The following POLR1C variants were observed in gnomAD, a reference collection of about 807,000 sequenced individuals.
POLR1C encodes RNA polymerase I and III subunit C.
In POLR1C, 42 loss-of-function variants were observed where a neutral mutation model predicts 38.3. The ratio of observed to expected loss-of-function variants is 1.10; its 90% CI spans 0.86 to 1.42. The LOEUF (loss-of-function observed/expected upper bound fraction) is 1.42, where lower values mean the gene tolerates loss of function less well. Ranked by LOEUF, POLR1C falls within the 40% of genes most tolerant of loss-of-function variation. POLR1C has a pLI of 0.00. For missense variants in POLR1C, 507 were observed against 450.5 expected, an observed-to-expected ratio of 1.13 and a Z score of -1.14; for synonymous variants, 163 against 163.9, an observed-to-expected ratio of 0.99 and a Z score of 0.04.
chr6:43,532,576 C>A (rs1277076035), downstream of POLR1C, among the ~76,000 whole-genome samples: 1 of 152,186 alleles, frequency 6.6e-6, no homozygotes, highest in Non-Finnish European at 1.5e-5. Context: ...ATACCAAGGC[C>A]TTTTTCTCTT....
In POLR1C at chr6:43,519,621, C is replaced by T. The variant is rs1175362677; in HGVS notation, c.250-85C>T. The T allele has an allele frequency of 2.6e-6, 4 of 1,562,984 alleles. No homozygotes were observed. In the Admixed American group the frequency reaches 6.7e-5, roughly 26 times the overall value. ...AAACATTCTAGGAAGAGAGATAGCT[C>T]CCTACCTCTGGAGGTTGGGGTTACG... On this transcript the variant is annotated intron_variant, in intron 3 of 8. Coordinates refer to ENST00000642195, the MANE Select transcript of POLR1C (RefSeq NM_203290.4).
chr6:43,520,834 CAG>C (rs1365889250), intron 7 of POLR1C, 60 bp downstream of exon 7: 40 of 1,602,566 alleles, frequency 2.5e-5, no homozygotes, highest in Non-Finnish European at 2.6e-5. Flanking sequence ...TTCAAGGTGA[CAG>C]AAATAAAAAC....
chr6:43,521,469 C>A lies in POLR1C; in HGVS notation c.*169C>A. The A allele has an allele frequency of 1.4e-6, 2 of 1,448,258 alleles. No homozygotes were observed. Among genetic ancestry groups the A allele is most frequent in the Non-Finnish European group, 1.8e-6 (2 of 1,101,288 alleles). 89.7% of individuals were successfully genotyped at this position (1,448,258 alleles called of 1,614,324 possible). A position where few individuals can be genotyped will look rare whatever the true frequency, so the allele number is the denominator to read the frequency against. On this transcript the variant is annotated 3_prime_UTR_variant, in exon 9 of 9. Transcript: ENST00000642195. ...TGCCATAAAATGAGACTTTTTACGC[C>A]TTTATAAGGCCTTAGATGTAAATAA...
At chr6:43,545,314 G>C (rs1409599133) in intron 9 of POLR1C, among the ~76,000 whole-genome samples, 4 of 152,204 alleles carry the variant, frequency 2.6e-5, no homozygotes, top group Non-Finnish European at 5.9e-5. Context: ...GAGTTTCACT[G>C]CGACATGAAT....
In POLR1C at chr6:43,548,184, C is replaced by A. The variant is rs971365808; in HGVS notation, c.*5-2784C>A. The A allele has an allele frequency of 4.8e-5, 68 of 1,416,130 alleles. No individual in the cohort carries two copies. In the Admixed American group the frequency reaches 1.5e-3, roughly 32 times the overall value. 87.7% of individuals were successfully genotyped at this position (1,416,130 alleles called of 1,614,324 possible). ...CACACTTCAATATCCTTAACCCCTA[C>A]CCCACCCTGGGCCTAGCTCTTAAAC... is the stretch of plus-strand genomic sequence containing the variant. On this transcript the variant is annotated intron_variant, in intron 9 of 10. Transcript: ENST00000607635.
chr6:43,546,111 G>C (rs1794952910), intron 9 of POLR1C, among the ~76,000 whole-genome samples: 1 of 152,098 alleles, frequency 6.6e-6, no homozygotes, highest in Non-Finnish European at 1.5e-5. Flanking sequence ...CCTTTGTTTA[G>C]CATGTTCAGC....
chr6:43,549,367 G>A, intron 9 of POLR1C: 1 of 966,886 alleles, frequency 1.0e-6, no homozygotes, highest in Non-Finnish European at 1.5e-6. Context: ...CCCGGCCAAG[G>A]ATGCTTATAT....
intron 10 of POLR1C, chr6:43,553,534 C>T (rs1375576775): frequency 6.5e-7 from 1 of 1,529,584 alleles, no homozygotes; most frequent in Non-Finnish European, 8.8e-7. Flanking sequence ...CATACACACA[C>T]ACACACACAC....
At chr6:43,525,707 C>CT, downstream of POLR1C, 1 of 978,784 alleles carries the variant, frequency 1.0e-6, no homozygotes, top group Admixed American at 2.9e-5. Context: ...TTTCTGGGGC[C>CT]TTTGGAACCA....
At chr6:43,540,242 A>G (rs951357605) in intron 9 of POLR1C, among the ~76,000 whole-genome samples, 2 of 152,148 alleles carry the variant, frequency 1.3e-5, no homozygotes, top group African/African-American at 4.8e-5. Flanking sequence ...ATACAAAATT[A>G]GCCAGGCCGG....
In POLR1C at chr6:43,517,291, G is replaced by A. The variant is rs1252814231; in HGVS notation, c.70-15G>A. The A allele has an allele frequency of 4.3e-6, 7 of 1,613,564 alleles. No individual in the cohort carries two copies. The highest frequency in any genetic ancestry group is 1.7e-5 in the Admixed American group (1 of 60,026). On this transcript the variant is annotated splice_polypyrimidine_tract_variant and intron_variant, in intron 1 of 8. Transcript: ENST00000642195. ...TCACTGTCCCTTCGTGGACAAATTC[G>A]TCCCTTTGCTCTAGGTCCATACTAC...
intron 4 of POLR1C, 56 bp from the exon 5 acceptor site, chr6:43,520,010 A>G (rs1310310255): frequency 6.2e-7 from 1 of 1,605,592 alleles, no homozygotes; most frequent in Non-Finnish European, 8.5e-7. Flanking sequence ...AGCATTCAGC[A>G]TAGTGCTGGC....
At position 43,520,914 on chromosome 6, in the gene POLR1C, A is replaced by G. The variant is rs753042694; in HGVS notation, c.806-18A>G. 2 of 1,611,528 alleles carry G rather than the reference A, an allele frequency of 1.2e-6. No homozygotes were observed. The highest frequency in any genetic ancestry group is 1.3e-5 in the African/African-American group (1 of 74,886). On this transcript the variant is annotated intron_variant, in intron 7 of 8. Coordinates refer to ENST00000642195, the MANE Select transcript of POLR1C (RefSeq NM_203290.4). Reference sequence around the variant, plus strand: ...AAATTAGAAAAAGGAATAAAAAAACATGGTTTGTTCTCATTAGGTAAAAAG... The same window carrying G: ...AAATTAGAAAAAGGAATAAAAAAACGTGGTTTGTTCTCATTAGGTAAAAAG...
chr6:43,524,306 C>T (rs1419079999), downstream of POLR1C, among the ~76,000 whole-genome samples: 1 of 149,466 alleles, frequency 6.7e-6, no homozygotes. Context: ...GAGCTGAGAT[C>T]GTACCACTGC....
At chr6:43,548,494 T>A in intron 9 of POLR1C, 1 of 1,473,884 alleles carries the variant, frequency 6.8e-7, no homozygotes, top group South Asian at 1.4e-5. Flanking sequence ...CCAGAGGTGG[T>A]AAAGGTCTGA....
At chr6:43,521,972 C>T (rs1793216370), downstream of POLR1C, among the ~76,000 whole-genome samples, 1 of 152,210 alleles carries the variant, frequency 6.6e-6, no homozygotes, top group Non-Finnish European at 1.5e-5. Flanking sequence ...AAGGTGGTTT[C>T]TGGGAGCACA....
chr6:43,558,384 G>C, intron 10 of POLR1C: 1 of 848,328 alleles, frequency 1.2e-6, no homozygotes, highest in Non-Finnish European at 1.8e-6. Flanking sequence ...TAATAAGTAG[G>C]CTGCTATCCA....
chr6:43,548,923 T>C (rs897116103), intron 9 of POLR1C, among the ~76,000 whole-genome samples: 1 of 152,084 alleles, frequency 6.6e-6, no homozygotes, highest in African/African-American at 2.4e-5. Context: ...GATCATCACA[T>C]AGTAAAGAGT....
At chr6:43,519,271 G>C (rs1328506099) in intron 2 of POLR1C, 62 bp from the exon 3 acceptor site, 1 of 967,506 alleles carries the variant, frequency 1.0e-6, no homozygotes, top group Non-Finnish European at 1.7e-6. Flanking sequence ...CTAAGGGGGA[G>C]GTATGAAGAG....
Sources: allele counts gnomAD v4.1 joint callset (sites outside exome capture counted in the v4.1 genomes callset), GRCh38; gene constraint gnomAD v4.1.1; transcripts MANE v1.5; gene names NCBI Gene and HGNC (gene_info 2026-07-23, HGNC 2026-07-21).